ADCY1: variants seen among roughly 807,000 people sequenced by gnomAD.
ADCY1 encodes adenylate cyclase 1, also known as adenylate cyclase type 1.
A neutral mutation model predicts 105.4 loss-of-function variants in ADCY1; 28 were observed. The ratio of observed to expected loss-of-function variants is 0.27; its 90% CI spans 0.20 to 0.36. ADCY1 has a LOEUF of 0.36. Ranked by LOEUF, ADCY1 falls within the 10% of genes least tolerant of loss-of-function variation. The probability of loss-of-function intolerance (pLI) is 1.00; values close to 1 mark genes in which losing one functional copy is unlikely to be tolerated. For missense variants in ADCY1, 977 were observed against 1,434.2 expected (o/e 0.68, Z 5.15); for synonymous variants, 655 against 623.8 (o/e 1.05, Z -0.75).
Position 45,710,388 on chromosome 7 carries a change from C to A in ADCY1, c.2933-140C>A. 8.2e-7 allele frequency: 1 copy of A among 1,226,862 alleles called. No individual in the cohort carries two copies. Among genetic ancestry groups the A allele is most frequent in the Non-Finnish European group, 1.1e-6 (1 of 888,980 alleles). 76.0% of individuals were successfully genotyped at this position (1,226,862 alleles called of 1,614,324 possible). The stretch of plus-strand genomic sequence containing the variant: ...TGATGCTTCAGGAAGGAGCCTGGTG[C>A]TAGGTGACCCCAGGAAACAAAGCCC... On this transcript the variant is annotated intron_variant, in intron 18 of 19. Transcript: ENST00000297323. The surrounding 1 kb of genome is among the most constrained non-coding windows in gnomAD (Gnocchi z 4.7).
chr7:45,585,416 A>T (rs1027636501), intron 1 of ADCY1, among the ~76,000 whole-genome samples: 4 of 149,306 alleles, frequency 2.7e-5, no homozygotes, highest in African/African-American at 9.8e-5. Context: ...CGTCACTGGC[A>T]GGGTCCCATT....
At chr7:45,660,385 C>A (rs1464722512) in intron 7 of ADCY1, among the ~76,000 whole-genome samples, 1 of 152,204 alleles carries the variant, frequency 6.6e-6, no homozygotes, top group Non-Finnish European at 1.5e-5. Context: ...GGTAAGGGAG[C>A]CAGAACCCCT....
chr7:45,624,695 G>T (rs953735044), intron 4 of ADCY1, among the ~76,000 whole-genome samples: 13 of 152,148 alleles, frequency 8.5e-5, no homozygotes, highest in African/African-American at 2.9e-4. Flanking sequence ...TCTTGTCTGG[G>T]CTGTCCACTA....
chr7:45,649,122 A>C (rs897582501), intron 5 of ADCY1, among the ~76,000 whole-genome samples: 1 of 152,246 alleles, frequency 6.6e-6, no homozygotes, highest in Non-Finnish European at 1.5e-5. Flanking sequence ...TAAGACATAC[A>C]GAAAGGTTTG....
rs1204025969 is a variant in ADCY1, at chr7:45,710,565, C to T, written c.2970C>T (p.Gly990=). The T allele has an allele frequency of 1.2e-6, 2 of 1,613,826 alleles. No individual in the cohort carries two copies. The highest frequency in any genetic ancestry group is 1.7e-6 in the Non-Finnish European group (2 of 1,179,990). Residue 990 remains glycine (G), a synonymous_variant, in exon 19 of 20, where the codon GGC becomes GGT. Transcript: ENST00000297323. The surrounding 1 kb of genome is among the most constrained non-coding windows in gnomAD (Gnocchi z 4.7). The part of the protein sequence containing the change: ...NVGPVVAGVI[G]ARRPQYDIWG... Reference sequence around the variant, plus strand: ...GCCCTGTGGTGGCTGGAGTGATTGGCGCTCGCAGGCCCCAGTACGACATCT... The same window carrying T: ...GCCCTGTGGTGGCTGGAGTGATTGGTGCTCGCAGGCCCCAGTACGACATCT...
At chr7:45,630,440 G>A (rs897066101) in intron 4 of ADCY1, among the ~76,000 whole-genome samples, 5 of 152,258 alleles carry the variant, frequency 3.3e-5, no homozygotes, top group African/African-American at 9.6e-5. Context: ...TTGGAGGCCC[G>A]GATTCTGAAA....
At chr7:45,709,631 A>G (rs1785186367) in intron 18 of ADCY1, among the ~76,000 whole-genome samples, 1 of 152,188 alleles carries the variant, frequency 6.6e-6, no homozygotes, top group African/African-American at 2.4e-5. Context: ...CCCACTGCCC[A>G]GGATGTCAGA....
intron 8 of ADCY1, among the ~76,000 whole-genome samples, chr7:45,665,519 GAGCGC>G (rs1784215778): frequency 1.3e-5 from 2 of 152,102 alleles, no homozygotes; most frequent in Admixed American, 6.5e-5. Flanking sequence ...TCTTTTTATT[GAGCGC>G]TTCTTTTGTT....
intron 1 of ADCY1, among the ~76,000 whole-genome samples, chr7:45,588,324 T>C (rs1792795255): frequency 6.6e-6 from 1 of 152,118 alleles, no homozygotes. Context: ...AGCAAATATT[T>C]TCTCTGCCTG....
At chr7:45,660,755 TCAGGGCTCAGGTGAGGGTG>T (rs1562712301) in intron 7 of ADCY1, among the ~76,000 whole-genome samples, 10 of 144,558 alleles carry the variant, frequency 6.9e-5, no homozygotes, top group South Asian at 2.3e-4. Flanking sequence ...GGTGAGGGGT[TCAGGGCTCAGGTGAGGGTG>T]CAGGGCTCAG....
chr7:45,640,798 A>G (rs372416109), intron 4 of ADCY1, among the ~76,000 whole-genome samples: 2 of 152,294 alleles, frequency 1.3e-5, no homozygotes, highest in African/African-American at 4.8e-5. Flanking sequence ...TTCCTTGGCT[A>G]TTGTTTTAAG....
rs1785217956 is a variant in ADCY1 at position 45,710,811 on chromosome 7, G to A, written c.3057+159G>A. ...TCTGTCTGCTCTGGAGGGCATCCTG[G>A]CCCGGGCATCTTGATTTTGCTGTTT... On this transcript the variant is annotated intron_variant, in intron 19 of 19. Coordinates refer to ENST00000297323, the MANE Select transcript of ADCY1 (RefSeq NM_021116.4). The surrounding 1 kb of genome is among the most constrained non-coding windows in gnomAD (Gnocchi z 4.7). Among the ~76,000 whole-genome samples the A allele has an allele frequency of 6.6e-6, 1 of 152,210 alleles. No individual in the cohort carries two copies. Among genetic ancestry groups the A allele is most frequent in the Non-Finnish European group, 1.5e-5 (1 of 68,022 alleles).
intron 14 of ADCY1, among the ~76,000 whole-genome samples, chr7:45,689,647 T>G (rs537649401): frequency 6.6e-6 from 1 of 152,284 alleles, no homozygotes; most frequent in African/African-American, 2.4e-5. Context: ...TAGGATTACA[T>G]TTCAGCATGA....
At position 45,602,704 on chromosome 7, in the gene ADCY1, T is replaced by G. The variant is rs143822809; in HGVS notation, c.790-7675T>G. On this transcript the variant is annotated intron_variant, in intron 2 of 19. Transcript: ENST00000297323. ...ATTTTTCATTTTTAAATGGCTTTAT[T>G]GAGTTTATGTACCATAAAGTTCAAT... Among the ~76,000 whole-genome samples the G allele has an allele frequency of 1.9e-4, 29 of 152,342 alleles. No individual in the cohort carries two copies. In the East Asian group the frequency reaches 5.0e-3, roughly 26 times the overall value.
chr7:45,585,163 C>A (rs1248822645), intron 1 of ADCY1, among the ~76,000 whole-genome samples: 1 of 152,206 alleles, frequency 6.6e-6, no homozygotes, highest in Non-Finnish European at 1.5e-5. Context: ...TCTGAAACAA[C>A]CGTGGCCTCA....
At chr7:45,641,415 A>G (rs753036202) in intron 4 of ADCY1, among the ~76,000 whole-genome samples, 26 of 152,220 alleles carry the variant, frequency 1.7e-4, no homozygotes, top group Non-Finnish European at 2.9e-4. Flanking sequence ...TGTAGCTCCA[A>G]CAATTGTTAA....
intron 5 of ADCY1, among the ~76,000 whole-genome samples, chr7:45,652,539 A>T (rs1794837058): frequency 6.6e-6 from 1 of 152,206 alleles, no homozygotes; most frequent in South Asian, 2.1e-4. Context: ...ATCTTGTTTT[A>T]TCGCTTTGAA....
intron 8 of ADCY1, among the ~76,000 whole-genome samples, chr7:45,677,527 A>C (rs536670207): frequency 1.3e-5 from 2 of 152,190 alleles, no homozygotes; most frequent in African/African-American, 4.8e-5. Flanking sequence ...ACTCTGGGGA[A>C]TCTCTTTCTG....
Position 45,614,699 on chromosome 7 carries a change from A to G in ADCY1, c.908+4202A>G, listed in dbSNP as rs940040733. Among the ~76,000 whole-genome samples, 9 of 152,342 alleles carry G rather than the reference A, an allele frequency of 5.9e-5. No individual in the cohort carries two copies. In the East Asian group the frequency reaches 9.6e-4, roughly 16 times the overall value. ...GAAAGGATGGAAGGAGATAGCTCATACCAATGAGACCCCAAATAGAGCAAA... is the reference window on the plus strand; with the variant it reads ...GAAAGGATGGAAGGAGATAGCTCATGCCAATGAGACCCCAAATAGAGCAAA... On this transcript the variant is annotated intron_variant, in intron 3 of 19. Transcript: ENST00000297323.
Sources: allele counts gnomAD v4.1 joint callset (sites outside exome capture counted in the v4.1 genomes callset), GRCh38; gene constraint gnomAD v4.1.1; non-coding constraint Gnocchi (gnomAD v3.1); transcripts MANE v1.5; gene names NCBI Gene and HGNC (gene_info 2026-07-23, HGNC 2026-07-21).